Variants in SPTLC3 observed in about 807,000 individuals in gnomAD.
The protein encoded by SPTLC3 is serine palmitoyltransferase long chain base subunit 3.
In SPTLC3, 36 loss-of-function variants were observed where a neutral mutation model predicts 59.3. That is an observed-to-expected ratio of 0.61 (90% confidence interval 0.47 to 0.80). SPTLC3 has a LOEUF of 0.80. Among genes scored for constraint, SPTLC3 ranks in the 30% least tolerant of loss-of-function variants. The pLI is 0.00. For synonymous variants in SPTLC3, 257 were observed against 240.8 expected (o/e 1.07, Z -0.62); for missense variants, 625 against 685.1 (o/e 0.91, Z 0.98).
At chr20:13,144,371 A>G (rs981869403) in intron 9 of SPTLC3, among the ~76,000 whole-genome samples, 1 of 152,246 alleles carries the variant, frequency 6.6e-6, no homozygotes, top group African/African-American at 2.4e-5. Flanking sequence ...GGTACTAAGT[A>G]AGTAGATGCT....
At chr20:13,053,325 A>G (rs1244677806) in intron 2 of SPTLC3, among the ~76,000 whole-genome samples, 1 of 152,176 alleles carries the variant, frequency 6.6e-6, no homozygotes, top group Non-Finnish European at 1.5e-5. Context: ...AGGAAAACTA[A>G]CAAAACAGAA....
At position 13,161,400 on chromosome 20, in the gene SPTLC3, G is replaced by A. The variant is rs181178163; in HGVS notation, c.1545+1268G>A. 3.9e-5 allele frequency among the ~76,000 whole-genome samples: 6 copies of A among 152,286 alleles called. No individual in the cohort carries two copies. The East Asian group carries it at 1.2e-3, about 29-fold the overall frequency. On this transcript the variant is annotated intron_variant, in intron 11 of 11. Coordinates refer to ENST00000399002, the MANE Select transcript of SPTLC3 (RefSeq NM_018327.4). ...TAGGAGAGTATGCAAAGCTGGAACT[G>A]CTATAGTTTAGGGAACTGAGGGATC...
chr20:13,126,787 C>T, intron 9 of SPTLC3, 70 bp downstream of exon 9: 3 of 1,574,822 alleles, frequency 1.9e-6, no homozygotes, highest in Non-Finnish European at 2.6e-6. Context: ...AATCTCCCCG[C>T]TTCTCAAATA....
At chr20:13,111,377 C>A (rs145455285) in intron 7 of SPTLC3, among the ~76,000 whole-genome samples, 4 of 152,114 alleles carry the variant, frequency 2.6e-5, no homozygotes, top group Non-Finnish European at 4.4e-5. Flanking sequence ...GCACATTTGG[C>A]GATTTTCAGT....
In SPTLC3 at chr20:13,147,798, A is replaced by G. The variant is rs945541031; in HGVS notation, c.1280-6205A>G. On this transcript the variant is annotated intron_variant, in intron 9 of 11. Coordinates refer to ENST00000399002, the MANE Select transcript of SPTLC3 (RefSeq NM_018327.4). ...AGTCTGTATTCTGGACAGTGGTCAT[A>G]TGCTAAATAATTGAAGGAGGGAATG... Among the ~76,000 whole-genome samples the G allele has an allele frequency of 3.3e-5, 5 of 152,234 alleles. No homozygotes were observed. In the East Asian group the frequency reaches 9.6e-4, roughly 29 times the overall value.
chr20:13,153,035 C>T (rs965194146), intron 9 of SPTLC3, among the ~76,000 whole-genome samples: 2 of 152,186 alleles, frequency 1.3e-5, no homozygotes, highest in African/African-American at 2.4e-5. Flanking sequence ...ACCAATAAGA[C>T]GAAAGACTGT....
intron 9 of SPTLC3, among the ~76,000 whole-genome samples, chr20:13,148,293 G>A (rs990960613): frequency 6.6e-6 from 1 of 152,212 alleles, no homozygotes; most frequent in African/African-American, 2.4e-5. Context: ...GGAGGTTAAA[G>A]TATTTGTGGC....
At position 13,133,369 on chromosome 20, in the gene SPTLC3, C is replaced by T. The variant is rs541853905; in HGVS notation, c.1279+6652C>T. Reference sequence around the variant, plus strand: ...TTTGAGAATCACTGCTGCATAATGACCCTGTAGTCACTCTTTCCCTCCCAT... The same window carrying T: ...TTTGAGAATCACTGCTGCATAATGATCCTGTAGTCACTCTTTCCCTCCCAT... On this transcript the variant is annotated intron_variant, in intron 9 of 11. Transcript: ENST00000399002. 1.4e-4 allele frequency among the ~76,000 whole-genome samples: 21 copies of T among 151,902 alleles called. 1 individual carries two copies. In the East Asian group the frequency reaches 2.7e-3, roughly 20 times the overall value.
chr20:13,085,179 G>C (rs371234768), intron 4 of SPTLC3, among the ~76,000 whole-genome samples: 5 of 152,226 alleles, frequency 3.3e-5, no homozygotes, highest in Admixed American at 1.3e-4. Context: ...CTTCGTAACT[G>C]TATGACCTAG....
At chr20:13,094,940 TCAAA>T (rs1989361080) in intron 6 of SPTLC3, among the ~76,000 whole-genome samples, 1 of 152,228 alleles carries the variant, frequency 6.6e-6, no homozygotes, top group East Asian at 1.9e-4. Context: ...CCATTTTGCA[TCAAA>T]CACTCAATTT....
At chr20:13,023,861 G>T (rs1262502217) in intron 1 of SPTLC3, among the ~76,000 whole-genome samples, 1 of 152,132 alleles carries the variant, frequency 6.6e-6, no homozygotes, top group Non-Finnish European at 1.5e-5. Flanking sequence ...GATCATTCCT[G>T]CTGCATCTTA....
At chr20:13,091,866 T>A (rs1021948171) in intron 5 of SPTLC3, among the ~76,000 whole-genome samples, 2 of 152,218 alleles carry the variant, frequency 1.3e-5, no homozygotes, top group African/African-American at 4.8e-5. Flanking sequence ...TACCCATTTA[T>A]TTTTTCATTC....
chr20:13,064,279 T>TTTG (rs59127543), intron 2 of SPTLC3, among the ~76,000 whole-genome samples: 22,926 of 135,360 alleles, frequency 0.17, 2,049 homozygotes, highest in East Asian at 0.23. Flanking sequence ...TTCTTTTTTT[T>TTTG]TTTTGTTTTG....
intron 9 of SPTLC3, among the ~76,000 whole-genome samples, chr20:13,146,940 A>G (rs538791076): frequency 2.6e-5 from 4 of 152,188 alleles, no homozygotes; most frequent in Non-Finnish European, 5.9e-5. Context: ...CTGTTTCCTC[A>G]TCTGTGAAGT....
intron 1 of SPTLC3, among the ~76,000 whole-genome samples, chr20:13,030,187 G>A (rs929286993): frequency 1.3e-5 from 2 of 152,186 alleles, no homozygotes; most frequent in African/African-American, 4.8e-5. Flanking sequence ...CCCCTACTGT[G>A]AAGAAATGCC....
At chr20:13,026,067 T>G (rs1001174780) in intron 1 of SPTLC3, among the ~76,000 whole-genome samples, 1 of 152,240 alleles carries the variant, frequency 6.6e-6, no homozygotes, top group African/African-American at 2.4e-5. Flanking sequence ...CTCGTTCTTT[T>G]TTATGGCTTC....
At chr20:13,157,470 G>A (rs1003002460) in intron 10 of SPTLC3, among the ~76,000 whole-genome samples, 1 of 152,040 alleles carries the variant, frequency 6.6e-6, no homozygotes, top group Non-Finnish European at 1.5e-5. Context: ...ACTCACACAG[G>A]TTGTAGGCAG....
intron 1 of SPTLC3, among the ~76,000 whole-genome samples, chr20:13,012,494 A>C (rs2122354314): frequency 6.6e-6 from 1 of 152,368 alleles, no homozygotes; most frequent in Non-Finnish European, 1.5e-5. Context: ...ATCACATCAA[A>C]GTTAAATGCT....
intron 1 of SPTLC3, among the ~76,000 whole-genome samples, chr20:13,033,122 T>C (rs1329207168): frequency 6.6e-6 from 1 of 152,184 alleles, no homozygotes; most frequent in East Asian, 1.9e-4. Context: ...AGGTGTTTCC[T>C]AATACAGACA....
Sources: allele counts gnomAD v4.1 joint callset (sites outside exome capture counted in the v4.1 genomes callset), GRCh38; gene constraint gnomAD v4.1.1; transcripts MANE v1.5; gene names NCBI Gene and HGNC (gene_info 2026-07-23, HGNC 2026-07-21).